Variants in KIFC1 observed in about 807,000 individuals in gnomAD.
The protein encoded by KIFC1 is kinesin family member C1.
A neutral mutation model predicts 66.6 loss-of-function variants in KIFC1; 37 were observed. The ratio of observed to expected loss-of-function variants is 0.56; its 90% confidence interval spans 0.43 to 0.73. KIFC1 has a LOEUF of 0.73. Among genes scored for constraint, KIFC1 ranks in the 30% least tolerant of loss-of-function variants. KIFC1 has a pLI of 0.00. For missense variants in KIFC1, 721 were observed against 859.8 expected, an observed-to-expected ratio of 0.84 and a Z score of 2.02; for synonymous variants, 325 against 343.5, an observed-to-expected ratio of 0.95 and a Z score of 0.60.
intron 1 of KIFC1, among the ~76,000 whole-genome samples, chr6:33,395,201 T>TTA (rs1774974007): frequency 6.6e-6 from 1 of 152,102 alleles, no homozygotes; most frequent in African/African-American, 2.4e-5. Context: ...AGGTAATACT[T>TTA]TAGAGTTTTG....
At position 33,403,241 on chromosome 6, in the gene KIFC1, C is replaced by A; in HGVS notation, c.251-73C>A. 2.2e-6 allele frequency: 3 copies of A among 1,348,674 alleles called. 1 individual carries two copies. The highest frequency in any genetic ancestry group is 5.1e-4 in the Middle Eastern group (2 of 3,924). 83.5% of individuals were successfully genotyped at this position (1,348,674 alleles called of 1,614,324 possible). On this transcript the variant is annotated intron_variant, in intron 3 of 10. Transcript: ENST00000428849. This position sits in a 1 kb window ranked among gnomAD's most constrained non-coding sequence, Gnocchi z 4.6. ...TTCTGAGAAAAGCACTTCTTCTGCC[C>A]CTGTCCTAGCAAGTGTACATGCCAT... is the stretch of plus-strand genomic sequence containing the variant.
At position 33,401,056 on chromosome 6, in the gene KIFC1, T is replaced by C. The variant is rs1775347265; in HGVS notation, c.251-2258T>C. On this transcript the variant is annotated intron_variant, in intron 3 of 10. Coordinates refer to ENST00000428849, the MANE Select transcript of KIFC1 (RefSeq NM_002263.4). The surrounding 1 kb of genome is among the most constrained non-coding windows in gnomAD (Gnocchi z 4.5). ...TTATTCCTCATGCTTTTTTTCTATC[T>C]AAATTTTGTTTTGGGCGGGGAGCAT... Among the ~76,000 whole-genome samples, 1 of 152,262 alleles carries C rather than the reference T, an allele frequency of 6.6e-6. No homozygotes were observed.
At position 33,406,206 on chromosome 6, in the gene KIFC1, T is replaced by C; in HGVS notation, c.1547T>C (p.Leu516Pro). Residue 516 changes from leucine (L) to proline (P), a missense_variant, in exon 8 of 11, where the codon CTG becomes CCG. By Grantham distance (98) the Leu-to-Pro change is moderately conservative (BLOSUM62 -3). Coordinates refer to ENST00000428849, the MANE Select transcript of KIFC1 (RefSeq NM_002263.4). The surrounding 1 kb of genome is among the most constrained non-coding windows in gnomAD (Gnocchi z 4.5). The part of the protein sequence containing the change: ...PVSCEKEVDA[L>P]LHLARQNRAV... The stretch of plus-strand genomic sequence containing the variant: ...TGCTCCCATCCCCAGGTGGACGCCC[T>C]GCTTCATCTGGCCCGCCAGAATCGG... 6.2e-7 allele frequency: 1 copy of C among 1,605,288 alleles called. No homozygotes were observed. The highest frequency in any genetic ancestry group is 8.5e-7 in the Non-Finnish European group (1 of 1,173,636).
chr6:33,402,312 C>T (rs1013302629), intron 3 of KIFC1, among the ~76,000 whole-genome samples: 1 of 152,076 alleles, frequency 6.6e-6, no homozygotes, highest in African/African-American at 2.4e-5. Flanking sequence ...TATAATGTTA[C>T]GGGGCTACTG....
intron 1 of KIFC1, among the ~76,000 whole-genome samples, 170 bp from the exon 2 acceptor site, chr6:33,397,859 G>A (rs773807491): frequency 1.3e-5 from 2 of 152,090 alleles, no homozygotes; most frequent in African/African-American, 2.4e-5. Context: ...CCACTTTTAG[G>A]TTATGTCCTC....
At chr6:33,393,705 G>A (rs980486046) in intron 1 of KIFC1, among the ~76,000 whole-genome samples, 15 of 150,314 alleles carry the variant, frequency 1.0e-4, no homozygotes, top group Non-Finnish European at 2.2e-4. Flanking sequence ...CTCGGCCTCC[G>A]AGAGTGCTGG....
At position 33,404,705 on chromosome 6, in the gene KIFC1, CT is replaced by C; in HGVS notation, c.757-145del. On this transcript the variant is annotated intron_variant, in intron 6 of 10. Coordinates refer to ENST00000428849, the MANE Select transcript of KIFC1 (RefSeq NM_002263.4). The surrounding 1 kb of genome is among the most constrained non-coding windows in gnomAD (Gnocchi z 4.0). Reference sequence around the variant, plus strand: ...ACTCCCTGTCTTAGTACCATGATTCCTTATTTTCTCATCTTTCTTTGTTTAC... The same window carrying C: ...ACTCCCTGTCTTAGTACCATGATTCCTATTTTCTCATCTTTCTTTGTTTAC... The C allele has an allele frequency of 1.4e-6, 1 of 703,002 alleles. No homozygotes were observed. The allele number at this position is 703,002 out of a possible 1,614,324, so 43.5% of individuals were successfully genotyped here. A position where few individuals can be genotyped will look rare whatever the true frequency, so the allele number is the denominator to read the frequency against.
rs770344080 is a variant in KIFC1, at chr6:33,404,985, G to A, written c.890G>A (p.Arg297His). The A allele has an allele frequency of 3.7e-6, 6 of 1,613,998 alleles. No homozygotes were observed. Among genetic ancestry groups the A allele is most frequent in the Admixed American group, 1.7e-5 (1 of 60,000 alleles). The change falls in exon 7 of 11, where the codon CGC becomes CAC. Residue 297 changes from arginine to histidine, a missense_variant. Coordinates refer to ENST00000428849, the MANE Select transcript of KIFC1 (RefSeq NM_002263.4). The surrounding 1 kb of genome is among the most constrained non-coding windows in gnomAD (Gnocchi z 4.0). ...CGTCTTCATGGGCTAGAAATGGAGCGCCGGCGACTGCACAACCAGCTGCAG... is the reference window on the plus strand; with the variant it reads ...CGTCTTCATGGGCTAGAAATGGAGCACCGGCGACTGCACAACCAGCTGCAG... ...EERLHGLEME[R>H]RRLHNQLQEL...
chr6:33,392,215 T>C (rs1774823225), intron 1 of KIFC1, among the ~76,000 whole-genome samples: 1 of 152,204 alleles, frequency 6.6e-6, no homozygotes, highest in Admixed American at 6.5e-5. Context: ...TGCCCTCCCC[T>C]AGCTTCAAGT....
intron 1 of KIFC1, among the ~76,000 whole-genome samples, chr6:33,393,434 CTTTTTTTTT>C (rs71536188): frequency 2.4e-5 from 2 of 82,518 alleles, no homozygotes; most frequent in African/African-American, 1.0e-4. Flanking sequence ...GCACCATTGC[CTTTTTTTTT>C]TTTTTTTTTT....
rs368080849 is a variant in KIFC1, at chr6:33,405,868, ATCT to A, written c.1536+242_1536+244del. Among the ~76,000 whole-genome samples, 436 of 152,172 alleles carry A rather than the reference ATCT, an allele frequency of 2.9e-3. 8 individuals carry two copies. The South Asian group carries it at 0.044, about 15-fold the overall frequency. ...GGAGGGTCACTACATCTCATGTCTC[ATCT>A]TCTTGCTCAGCTCATCCTAGCCATG... On this transcript the variant is annotated intron_variant, in intron 7 of 10. Transcript: ENST00000428849. This position sits in a 1 kb window ranked among gnomAD's most constrained non-coding sequence, Gnocchi z 5.4.
rs913985660 is a variant in KIFC1, at chr6:33,405,930, G to A, written c.1537-266G>A. Among the ~76,000 whole-genome samples the A allele has an allele frequency of 1.3e-5, 2 of 152,080 alleles. No individual in the cohort carries two copies. The highest frequency in any genetic ancestry group is 2.4e-5 in the African/African-American group (1 of 41,378). On this transcript the variant is annotated intron_variant, in intron 7 of 10. Coordinates refer to ENST00000428849, the MANE Select transcript of KIFC1 (RefSeq NM_002263.4). The surrounding 1 kb of genome is among the most constrained non-coding windows in gnomAD (Gnocchi z 5.4). ...CTGGCTGTTCCTCAACCAGCTAGTCGTGCTCCCCATCTCAGGGCCTTTGCC... is the reference window on the plus strand; with the variant it reads ...CTGGCTGTTCCTCAACCAGCTAGTCATGCTCCCCATCTCAGGGCCTTTGCC...
chr6:33,396,436 C>CTTTTTTTTTTTTTTTTTTTTTTTTTT (rs199749552), intron 1 of KIFC1, among the ~76,000 whole-genome samples: 7 of 116,256 alleles, frequency 6.0e-5, no homozygotes, highest in African/African-American at 1.0e-4. Context: ...CTTTTCTTTT[C>CTTTTTTTTTTTTTTTTTTTTTTTTTT]TTTTTTTTTT....
rs374434798 is a variant in KIFC1 at position 33,398,209 on chromosome 6, G to T, written c.150+43G>T. On this transcript the variant is annotated intron_variant, in intron 2 of 10. Transcript: ENST00000428849. ...AGCTGTGCATGTGTGTGGGGGGTGT[G>T]TGTGTGTGAAAGAAAGGAGAGAGAG... is the stretch of plus-strand genomic sequence containing the variant. 6.0e-5 allele frequency: 97 copies of T among 1,613,906 alleles called. No homozygotes were observed. In the African/African-American group the frequency reaches 1.0e-3, roughly 17 times the overall value.
intron 1 of KIFC1, among the ~76,000 whole-genome samples, chr6:33,395,103 T>G (rs891212349): frequency 1.3e-5 from 2 of 152,138 alleles, no homozygotes; most frequent in African/African-American, 4.8e-5. Flanking sequence ...CTTGTGATCT[T>G]GAGGATAGCA....
In KIFC1 at chr6:33,403,358, A is replaced by AT. The variant is rs755187400; in HGVS notation, c.297dup (p.Ala100CysfsTer46). 4 of 1,614,100 alleles carry AT rather than the reference A, an allele frequency of 2.5e-6. No homozygotes were observed. The highest frequency in any genetic ancestry group is 3.4e-6 in the Non-Finnish European group (4 of 1,179,972). On this transcript the variant is annotated frameshift_variant, in exon 4 of 11. Coordinates refer to ENST00000428849, the MANE Select transcript of KIFC1 (RefSeq NM_002263.4). LOFTEE classifies it high-confidence loss of function. This position sits in a 1 kb window ranked among gnomAD's most constrained non-coding sequence, Gnocchi z 4.6. ...GACAGGACCCCGGTGTTCCACAGCT[A>AT]TTGCCACAGGTAACTGTGCTCAAGA... is the stretch of plus-strand genomic sequence containing the variant.
chr6:33,408,236 T>G (rs1775745902), intron 10 of KIFC1, among the ~76,000 whole-genome samples: 3 of 152,254 alleles, frequency 2.0e-5, no homozygotes, highest in Admixed American at 6.5e-5. Context: ...CCCACTTGGT[T>G]GAAATGTCTC....
At chr6:33,408,038 G>T (rs1385386388) in intron 10 of KIFC1, among the ~76,000 whole-genome samples, 2 of 152,154 alleles carry the variant, frequency 1.3e-5, no homozygotes, top group African/African-American at 4.8e-5. Context: ...TCACTATCTT[G>T]CAAGTTCAAT....
chr6:33,393,196 G>T (rs140671946), intron 1 of KIFC1, among the ~76,000 whole-genome samples: 1 of 152,104 alleles, frequency 6.6e-6, no homozygotes, highest in African/African-American at 2.4e-5. Context: ...ATCTGCTAGA[G>T]CAGAGTCCCT....
Sources: gnomAD v4.1 joint callset for allele counts (sites outside exome capture counted in the v4.1 genomes callset) on GRCh38, gnomAD v4.1.1 for gene constraint, Gnocchi (gnomAD v3.1) non-coding constraint, MANE v1.5 for transcripts, NCBI Gene and HGNC (gene_info 2026-07-23, HGNC 2026-07-21) for gene names.